The following SLCO2A1 variants were observed in gnomAD, a reference collection of about 807,000 sequenced individuals.
SLCO2A1 encodes the protein solute carrier organic anion transporter family member 2A1.
In SLCO2A1, 60 loss-of-function variants were observed where a neutral mutation model predicts 71.7. The ratio of observed to expected loss-of-function variants is 0.84; its 90% CI spans 0.68 to 1.04. The LOEUF is 1.04. Among genes scored for constraint, SLCO2A1 ranks in the 50% least tolerant of loss-of-function variants. The pLI is 0.00. For synonymous variants in SLCO2A1, 308 were observed against 326.7 expected (o/e 0.94, Z 0.62); for missense variants, 745 against 813.4 (o/e 0.92, Z 1.02).
intron 11 of SLCO2A1, among the ~76,000 whole-genome samples, chr3:133,939,415 C>T (rs1476933359): frequency 2.0e-5 from 3 of 152,300 alleles, no homozygotes; most frequent in South Asian, 2.1e-4. Context: ...CACACACTCC[C>T]GGTGGGTGCT....
intron 1 of SLCO2A1, among the ~76,000 whole-genome samples, chr3:133,980,723 G>C (rs2108058990): frequency 6.6e-6 from 1 of 152,334 alleles, no homozygotes; most frequent in Non-Finnish European, 1.5e-5. Context: ...AGGTGCCCTT[G>C]TTCCAGGCTG....
At chr3:133,954,860 T>A (rs1242532843) in intron 4 of SLCO2A1, 106 bp downstream of exon 4, 3 of 858,818 alleles carry the variant, frequency 3.5e-6, no homozygotes, top group Non-Finnish European at 5.5e-6. Context: ...ATTTGCTGGG[T>A]TGTAAGCAAA....
chr3:133,941,251 A>G (rs1933411794), intron 11 of SLCO2A1, among the ~76,000 whole-genome samples: 1 of 152,190 alleles, frequency 6.6e-6, no homozygotes, highest in African/African-American at 2.4e-5. Context: ...AATAGGTCAC[A>G]GACACCTAGC....
intron 1 of SLCO2A1, among the ~76,000 whole-genome samples, chr3:134,012,211 A>T (rs1935360079): frequency 6.6e-6 from 1 of 152,104 alleles, no homozygotes; most frequent in Non-Finnish European, 1.5e-5. Context: ...TTCTATTTCA[A>T]CCCTGCTGAG....
intron 1 of SLCO2A1, among the ~76,000 whole-genome samples, chr3:133,988,107 A>G (rs1934757144): frequency 6.6e-6 from 1 of 152,220 alleles, no homozygotes. Flanking sequence ...CACTCTTAAA[A>G]TTTAACCTGA....
intron 1 of SLCO2A1, among the ~76,000 whole-genome samples, chr3:134,018,627 T>C (rs1427287403): frequency 3.9e-5 from 6 of 152,152 alleles, no homozygotes; most frequent in African/African-American, 1.4e-4. Context: ...TGTGATTTCC[T>C]GAAATTTGGC....
At chr3:133,982,652 A>G (rs940857362) in intron 1 of SLCO2A1, among the ~76,000 whole-genome samples, 1 of 151,166 alleles carries the variant, frequency 6.6e-6, no homozygotes, top group African/African-American at 2.4e-5. Flanking sequence ...CCTCAGCCCC[A>G]TGGTCTCTTC....
intron 1 of SLCO2A1, among the ~76,000 whole-genome samples, chr3:133,992,549 T>G (rs1297576009): frequency 6.6e-6 from 1 of 152,182 alleles, no homozygotes; most frequent in Non-Finnish European, 1.5e-5. Flanking sequence ...GAACTTACAT[T>G]CCTGTTTTCC....
intron 3 of SLCO2A1, 160 bp from the exon 4 acceptor site, chr3:133,955,353 C>T (rs1933861297): frequency 4.9e-6 from 3 of 606,530 alleles, no homozygotes; most frequent in East Asian, 2.8e-5. Context: ...CCGCGTCCTT[C>T]TGTCTGGCCA....
intron 3 of SLCO2A1, among the ~76,000 whole-genome samples, chr3:133,969,853 A>C (rs997491671): frequency 6.6e-6 from 1 of 152,150 alleles, no homozygotes; most frequent in Non-Finnish European, 1.5e-5. Context: ...GGTGGGGTGC[A>C]TGTCTACCCA....
At chr3:133,946,469 G>C (rs1461834035) in intron 9 of SLCO2A1, among the ~76,000 whole-genome samples, 1 of 150,640 alleles carries the variant, frequency 6.6e-6, no homozygotes, top group Non-Finnish European at 1.5e-5. Context: ...CAAACCAACA[G>C]GCAGACTTTA....
At chr3:133,943,834 G>A (rs1933494220) in intron 10 of SLCO2A1, among the ~76,000 whole-genome samples, 3 of 152,224 alleles carry the variant, frequency 2.0e-5, no homozygotes, top group African/African-American at 7.2e-5. Context: ...CCGCAGAGGT[G>A]GCAGTGGCAG....
chr3:133,987,618 G>A (rs1359090606), intron 1 of SLCO2A1, among the ~76,000 whole-genome samples: 1 of 152,060 alleles, frequency 6.6e-6, no homozygotes, highest in Non-Finnish European at 1.5e-5. Context: ...ACCAAGCTGC[G>A]CCCTGACCAC....
intron 3 of SLCO2A1, 42 bp from the exon 4 acceptor site, chr3:133,955,235 C>A: frequency 6.5e-7 from 1 of 1,549,408 alleles, no homozygotes; most frequent in Non-Finnish European, 8.8e-7. Flanking sequence ...CCCTGGTCTC[C>A]TGGTTCCACC....
At chr3:134,009,858 C>A (rs988961493) in intron 1 of SLCO2A1, among the ~76,000 whole-genome samples, 1 of 152,198 alleles carries the variant, frequency 6.6e-6, no homozygotes, top group African/African-American at 2.4e-5. Flanking sequence ...GAGAAAAAAT[C>A]TTAAGACGGG....
At chr3:133,967,315 G>C (rs1934203574) in intron 3 of SLCO2A1, among the ~76,000 whole-genome samples, 1 of 152,184 alleles carries the variant, frequency 6.6e-6, no homozygotes, top group African/African-American at 2.4e-5. Flanking sequence ...AAAAACAGAT[G>C]ATAGAAAAGC....
intron 1 of SLCO2A1, among the ~76,000 whole-genome samples, chr3:134,023,381 AT>A (rs774051548): frequency 6.6e-6 from 1 of 152,216 alleles, no homozygotes; most frequent in Non-Finnish European, 1.5e-5. Context: ...TTGCCTTGCT[AT>A]ACCCTGTGAG....
chr3:134,020,920 G>GT (rs1248564813), intron 1 of SLCO2A1, among the ~76,000 whole-genome samples: 1 of 147,498 alleles, frequency 6.8e-6, no homozygotes, highest in African/African-American at 2.5e-5. Flanking sequence ...CGGCACTTTG[G>GT]TTTGGTTTTG....
intron 3 of SLCO2A1, among the ~76,000 whole-genome samples, chr3:133,959,166 C>A (rs896485361): frequency 6.6e-6 from 1 of 152,104 alleles, no homozygotes; most frequent in African/African-American, 2.4e-5. Context: ...AGGACCTGGA[C>A]CCAGTTACAT....
Sources: allele counts gnomAD v4.1 joint callset (sites outside exome capture counted in the v4.1 genomes callset), GRCh38; gene constraint gnomAD v4.1.1; transcripts MANE v1.5; gene names NCBI Gene and HGNC (gene_info 2026-07-23, HGNC 2026-07-21).